Variants in PLPPR5 observed in about 807,000 individuals in gnomAD.
The protein encoded by PLPPR5 is phospholipid phosphatase-related protein type 5.
Under a neutral mutation model 33.9 loss-of-function variants are expected in PLPPR5, and 16 were observed. The ratio of observed to expected loss-of-function variants is 0.47; its 90% CI spans 0.32 to 0.72. The LOEUF (loss-of-function observed/expected upper bound fraction) is 0.72, where lower values mean the gene tolerates loss of function less well. PLPPR5 is among the 30% of genes least tolerant of loss of function. The pLI is 0.03. For missense variants in PLPPR5, 301 were observed against 406.7 expected, an observed-to-expected ratio of 0.74 and a Z score of 2.23; for synonymous variants, 163 against 150.3, an observed-to-expected ratio of 1.08 and a Z score of -0.62.
chr1:98,920,690 T>C (rs1359363698), intron 4 of PLPPR5, among the ~76,000 whole-genome samples: 1 of 148,882 alleles, frequency 6.7e-6, no homozygotes, highest in Non-Finnish European at 1.5e-5. Flanking sequence ...GCCCAGTACA[T>C]AAATTATGTT....
intron 1 of PLPPR5, among the ~76,000 whole-genome samples, chr1:98,961,270 G>A (rs985983160): frequency 2.6e-5 from 4 of 152,086 alleles, no homozygotes; most frequent in Non-Finnish European, 4.4e-5. Flanking sequence ...TCAAAGATAG[G>A]GTGCAATCCT....
At chr1:98,918,006 C>G (rs1649420078) in intron 4 of PLPPR5, among the ~76,000 whole-genome samples, 1 of 152,170 alleles carries the variant, frequency 6.6e-6, no homozygotes, top group African/African-American at 2.4e-5. Flanking sequence ...GTGACTTCCG[C>G]ATGTATAATT....
chr1:98,970,903 T>G (rs1457688864), intron 1 of PLPPR5, among the ~76,000 whole-genome samples: 1 of 152,142 alleles, frequency 6.6e-6, no homozygotes, highest in Non-Finnish European at 1.5e-5. Context: ...TTTTGTTTTA[T>G]TTTAGGAAGA....
chr1:98,922,336 A>T (rs72730323), intron 3 of PLPPR5, among the ~76,000 whole-genome samples: 9 of 152,220 alleles, frequency 5.9e-5, no homozygotes, highest in Non-Finnish European at 1.3e-4. Context: ...AAGCACAGAT[A>T]GTCCAACTGT....
chr1:98,957,435 A>T (rs987775964), intron 1 of PLPPR5, among the ~76,000 whole-genome samples: 1 of 151,896 alleles, frequency 6.6e-6, no homozygotes, highest in Non-Finnish European at 1.5e-5. Context: ...TATACAAAAG[A>T]TATGTAAGGA....
chr1:98,918,995 G>A (rs1007409767), intron 4 of PLPPR5, among the ~76,000 whole-genome samples: 11 of 152,064 alleles, frequency 7.2e-5, no homozygotes, highest in Non-Finnish European at 1.5e-4. Context: ...TGATAGCAAA[G>A]CAAAACCAAA....
chr1:98,895,599 C>CA (rs1339001511), intron 5 of PLPPR5, among the ~76,000 whole-genome samples: 1 of 151,954 alleles, frequency 6.6e-6, no homozygotes, highest in Admixed American at 6.6e-5. Context: ...TTTTCCTATG[C>CA]AAAAATATCA....
At chr1:98,943,148 A>G (rs997782462) in intron 3 of PLPPR5, among the ~76,000 whole-genome samples, 2 of 152,156 alleles carry the variant, frequency 1.3e-5, no homozygotes, top group Non-Finnish European at 2.9e-5. Context: ...TACCTAATAT[A>G]TATCATCCCA....
intron 3 of PLPPR5, among the ~76,000 whole-genome samples, chr1:98,933,222 A>G (rs1650049320): frequency 6.6e-6 from 1 of 151,820 alleles, no homozygotes; most frequent in South Asian, 2.1e-4. Flanking sequence ...TCAGTGGCTC[A>G]TGCCTGTAAT....
At chr1:98,972,050 G>C (rs565831326) in intron 1 of PLPPR5, among the ~76,000 whole-genome samples, 1 of 152,082 alleles carries the variant, frequency 6.6e-6, no homozygotes, top group East Asian at 1.9e-4. Flanking sequence ...TAACTATGGA[G>C]GATCATGAGT....
chr1:98,985,655 T>A (rs1046814257), intron 1 of PLPPR5, among the ~76,000 whole-genome samples: 2 of 151,986 alleles, frequency 1.3e-5, no homozygotes, highest in Admixed American at 6.6e-5. Flanking sequence ...TTTAATCTAT[T>A]ATACCATATT....
chr1:98,976,848 A>G (rs1265968556), intron 1 of PLPPR5, among the ~76,000 whole-genome samples: 1 of 152,032 alleles, frequency 6.6e-6, no homozygotes, highest in Non-Finnish European at 1.5e-5. Flanking sequence ...AGAAAATTTA[A>G]AATATGGTTC....
rs2100773374 is a variant in PLPPR5, at chr1:99,004,479, G to A, written c.193C>T (p.Pro65Ser). 1.2e-6 allele frequency: 2 copies of A among 1,612,402 alleles called. No homozygotes were observed. Among genetic ancestry groups the A allele is most frequent in the Non-Finnish European group, 1.7e-6 (2 of 1,179,540 alleles). ...GCGGCCAGCGAGTAGAGGAGCACGG[G>A]GGGCACGGCGCTGCTGTCCTCCGGG... ...PGPEDSSAVP[P>S]VLLYSLAAGV... The change falls in exon 1 of 6, where the codon CCC becomes TCC. Residue 65 changes from proline (P) to serine (S), a missense_variant. Physicochemically the swap from Pro to Ser is moderately conservative, Grantham distance 74. Coordinates refer to ENST00000263177, the MANE Select transcript of PLPPR5 (RefSeq NM_001037317.2).
At chr1:98,908,945 A>G (rs7555157) in intron 5 of PLPPR5, among the ~76,000 whole-genome samples, 104,822 of 151,978 alleles carry the variant, frequency 0.69, 36,757 homozygotes, top group East Asian at 0.8. Context: ...CCAATGAGGA[A>G]GCACTGGAAC....
chr1:98,969,985 C>T (rs903953506), intron 1 of PLPPR5, among the ~76,000 whole-genome samples: 1 of 151,992 alleles, frequency 6.6e-6, no homozygotes, highest in African/African-American at 2.4e-5. Context: ...CTTGCAATTT[C>T]AAATTCATCA....
At chr1:98,925,209 A>C (rs1164996433) in intron 3 of PLPPR5, among the ~76,000 whole-genome samples, 1 of 152,216 alleles carries the variant, frequency 6.6e-6, no homozygotes, top group Non-Finnish European at 1.5e-5. Context: ...CTTGGTTTTT[A>C]ATTCACTTAT....
intron 1 of PLPPR5, among the ~76,000 whole-genome samples, chr1:99,000,208 C>G (rs1401453187): frequency 1.3e-5 from 2 of 152,158 alleles, no homozygotes; most frequent in African/African-American, 4.8e-5. Flanking sequence ...TAAACTATAT[C>G]ATCTCTGTAA....
intron 3 of PLPPR5, among the ~76,000 whole-genome samples, chr1:98,949,834 G>A (rs560862071): frequency 6.6e-6 from 1 of 152,176 alleles, no homozygotes; most frequent in Non-Finnish European, 1.5e-5. Flanking sequence ...GGGTGGTGGG[G>A]TAAGACAGAG....
chr1:98,997,060 G>A (rs1652656020), intron 1 of PLPPR5, among the ~76,000 whole-genome samples: 1 of 152,020 alleles, frequency 6.6e-6, no homozygotes, highest in African/African-American at 2.4e-5. Flanking sequence ...AAGAGTAAAT[G>A]GTTTACCTCA....
Sources: allele counts gnomAD v4.1 joint callset (sites outside exome capture counted in the v4.1 genomes callset), GRCh38; gene constraint gnomAD v4.1.1; transcripts MANE v1.5; gene names NCBI Gene and HGNC (gene_info 2026-07-23, HGNC 2026-07-21).